ACOX3: variants seen among roughly 807,000 people sequenced by gnomAD.
ACOX3 encodes the protein peroxisomal acyl-coenzyme A oxidase 3.
ACOX3 carries 73 observed loss-of-function variants against 81.5 expected under a neutral mutation model. The ratio of observed to expected loss-of-function variants is 0.90; its 90% CI spans 0.74 to 1.09. The LOEUF is 1.09. Among genes scored for constraint, ACOX3 ranks in the 50% least tolerant of loss-of-function variants. The pLI is 0.00. For synonymous variants in ACOX3, 387 were observed against 375.1 expected, an observed-to-expected ratio of 1.03 and a Z score of -0.37; for missense variants, 947 against 928.0, an observed-to-expected ratio of 1.02 and a Z score of -0.27.
chr4:8,364,319 T>C (rs770744802), downstream of ACOX3, among the ~76,000 whole-genome samples: 1 of 152,250 alleles, frequency 6.6e-6, no homozygotes, highest in Non-Finnish European at 1.5e-5. This position sits in a 1 kb window ranked among gnomAD's most constrained non-coding sequence, Gnocchi z 5.0. Context: ...CACATTTGGC[T>C]CAGAATAAAC....
At chr4:8,356,435 C>G in the ACOX3 span, 1 of 415,512 alleles carries the variant, frequency 2.4e-6, no homozygotes, top group Non-Finnish European at 4.9e-6. Context: ...AAGCCTTGAT[C>G]TCTCCATCTC....
At chr4:8,362,687 G>C (rs115119005), downstream of ACOX3, among the ~76,000 whole-genome samples, 4,443 of 152,274 alleles carry the variant, frequency 0.029, 81 homozygotes, top group South Asian at 0.072. Flanking sequence ...CCTGACCTGT[G>C]GTAAATGAAG....
Position 8,407,326 on chromosome 4 carries a change from T to C in ACOX3, c.688-1283A>G, listed in dbSNP as rs1448720120. 1.3e-5 allele frequency among the ~76,000 whole-genome samples: 2 copies of C among 152,228 alleles called. No homozygotes were observed. The highest frequency in any genetic ancestry group is 3.9e-4 in the East Asian group (2 of 5,192). Reference sequence around the variant, plus strand: ...TAAGATCTATATCTGGTATTCTTATTTTATATTTTATTACACTGGAACAGC... The same window carrying C: ...TAAGATCTATATCTGGTATTCTTATCTTATATTTTATTACACTGGAACAGC... On this transcript the variant is annotated intron_variant, in intron 6 of 17. Transcript: ENST00000356406. This position sits in a 1 kb window ranked among gnomAD's most constrained non-coding sequence, Gnocchi z 4.6.
At chr4:8,376,314 A>G (rs1351598254) in intron 14 of ACOX3, among the ~76,000 whole-genome samples, 1 of 151,326 alleles carries the variant, frequency 6.6e-6, no homozygotes, top group Non-Finnish European at 1.5e-5. Context: ...GCATTGCTTG[A>G]CTTGTTAGGA....
chr4:8,393,076 G>C (rs894685167), intron 10 of ACOX3: 1 of 151,620 alleles, frequency 6.6e-6, no homozygotes, highest in Non-Finnish European at 1.5e-5. Context: ...GTCGGGCGTG[G>C]TTAGTATTTG....
At chr4:8,390,263 G>T (rs969623359) in intron 11 of ACOX3, among the ~76,000 whole-genome samples, 1 of 151,912 alleles carries the variant, frequency 6.6e-6, no homozygotes, top group African/African-American at 2.4e-5. Context: ...GATTGCTTAA[G>T]AGCCCAGGCA....
At position 8,405,459 on chromosome 4, in the gene ACOX3, G is replaced by A. The variant is rs534894916; in HGVS notation, c.776+496C>T. Among the ~76,000 whole-genome samples, 11 of 152,360 alleles carry A rather than the reference G, an allele frequency of 7.2e-5. No individual in the cohort carries two copies. Among genetic ancestry groups the A allele is most frequent in the African/African-American group, 2.6e-4 (11 of 41,588 alleles). On this transcript the variant is annotated intron_variant, in intron 7 of 17. Transcript: ENST00000356406. The surrounding 1 kb of genome is among the most constrained non-coding windows in gnomAD (Gnocchi z 7.1). ...CATGTGTGCTGCTAAATAGATATAT[G>A]TGGGCTGATTAAACAAATAAGCCAG... is the stretch of plus-strand genomic sequence containing the variant.
rs1466423101 is a variant in ACOX3, at chr4:8,400,669, G to A, written c.777-1017C>T. ...CTAGGTTAAGAATATTACATAAACT[G>A]TGCAAAAACCCCCCAAAACAAACTT... On this transcript the variant is annotated intron_variant, in intron 7 of 17. Transcript: ENST00000356406. The surrounding 1 kb of genome is among the most constrained non-coding windows in gnomAD (Gnocchi z 4.4). Among the ~76,000 whole-genome samples, 3 of 152,104 alleles carry A rather than the reference G, an allele frequency of 2.0e-5. No homozygotes were observed. The highest frequency in any genetic ancestry group is 7.2e-5 in the African/African-American group (3 of 41,404).
At chr4:8,435,504 GAAA>G (rs1029567165) in intron 1 of ACOX3, among the ~76,000 whole-genome samples, 2 of 137,390 alleles carry the variant, frequency 1.5e-5, no homozygotes, top group African/African-American at 5.3e-5. Flanking sequence ...TCAAAAAAAA[GAAA>G]AAAAAAAAAG....
chr4:8,410,177 C>A, intron 6 of ACOX3, 35 bp downstream of exon 6: 1 of 1,601,194 alleles, frequency 6.2e-7, no homozygotes, highest in African/African-American at 1.3e-5. Context: ...TGGGGGTAAA[C>A]ACTGCCCCCA....
intron 6 of ACOX3, 76 bp downstream of exon 6, chr4:8,410,136 A>T: frequency 6.5e-7 from 1 of 1,527,298 alleles, no homozygotes; most frequent in Non-Finnish European, 8.8e-7. Flanking sequence ...TTGTTATGAC[A>T]AAAATGACTC....
At chr4:8,426,333 T>A (rs1480182878) in intron 1 of ACOX3, among the ~76,000 whole-genome samples, 1 of 151,964 alleles carries the variant, frequency 6.6e-6, no homozygotes, top group African/African-American at 2.4e-5. Flanking sequence ...CTGAGTGCAG[T>A]TAAAGTGTCT....
Position 8,396,919 on chromosome 4 carries a change from T to C in ACOX3, c.1056+18A>G, listed in dbSNP as rs1388753969. On this transcript the variant is annotated intron_variant, in intron 9 of 17. Transcript: ENST00000356406. ...ATAAAATAGAGAGACAGTGAAAGGA[T>C]GCTTGAAAACCTCATACCTGCATTG... 2 of 1,604,752 alleles carry C rather than the reference T, an allele frequency of 1.2e-6. No individual in the cohort carries two copies. The highest frequency in any genetic ancestry group is 1.7e-6 in the Non-Finnish European group (2 of 1,175,946).
At position 8,440,497 on chromosome 4, in the gene ACOX3, G is replaced by A. The variant is rs578254373; in HGVS notation, c.-15+151C>T. Among the ~76,000 whole-genome samples, 10 of 152,282 alleles carry A rather than the reference G, an allele frequency of 6.6e-5. No homozygotes were observed. In the South Asian group the frequency reaches 1.9e-3, roughly 28 times the overall value. ...TTTCATAAGAGGACTCATCTTTTAC[G>A]TTCACAAACTTAGGCTCCCTGACTT... On this transcript the variant is annotated intron_variant, in intron 1 of 17. Coordinates refer to ENST00000356406, the MANE Select transcript of ACOX3 (RefSeq NM_003501.3).
rs1269550843 is a variant in ACOX3, at chr4:8,368,174, C to T, written c.1984-1094G>A. 2.0e-5 allele frequency among the ~76,000 whole-genome samples: 3 copies of T among 152,216 alleles called. No individual in the cohort carries two copies. The highest frequency in any genetic ancestry group is 6.5e-5 in the Admixed American group (1 of 15,282). On this transcript the variant is annotated intron_variant, in intron 17 of 17. Transcript: ENST00000356406. This position sits in a 1 kb window ranked among gnomAD's most constrained non-coding sequence, Gnocchi z 5.9. The stretch of plus-strand genomic sequence containing the variant: ...GCAGCAGGATGCCCTCGCCGAGTGG[C>T]CCTTACTGGCTGATTTCTGGACCTG...
In ACOX3 at chr4:8,394,604, G is replaced by A. The variant is rs769300654; in HGVS notation, c.1179+16C>T. The A allele has an allele frequency of 6.2e-7, 1 of 1,611,508 alleles. No homozygotes were observed. Among genetic ancestry groups the A allele is most frequent in the Admixed American group, 1.7e-5 (1 of 59,970 alleles). Reference sequence around the variant, plus strand: ...AGATTTAAACGATGCTGCTGAGGAAGCAGACACCACCTCACCTGTCTGGCG... The same window carrying A: ...AGATTTAAACGATGCTGCTGAGGAAACAGACACCACCTCACCTGTCTGGCG... On this transcript the variant is annotated intron_variant, in intron 10 of 17. Transcript: ENST00000356406. This position sits in a 1 kb window ranked among gnomAD's most constrained non-coding sequence, Gnocchi z 5.9.
intron 3 of ACOX3, 108 bp downstream of exon 3, chr4:8,415,658 T>C: frequency 7.6e-6 from 7 of 921,246 alleles, no homozygotes; most frequent in Non-Finnish European, 1.2e-5. Context: ...CAAATATAGC[T>C]GGACAAACTG....
intron 13 of ACOX3, among the ~76,000 whole-genome samples, chr4:8,388,126 G>C (rs1332139493): frequency 1.3e-5 from 2 of 152,200 alleles, no homozygotes; most frequent in African/African-American, 4.8e-5. Flanking sequence ...TCCGCCTCCT[G>C]ACACACCCGT....
chr4:8,388,658 A>C (rs1207751004), intron 13 of ACOX3, among the ~76,000 whole-genome samples: 1 of 152,116 alleles, frequency 6.6e-6, no homozygotes, highest in Non-Finnish European at 1.5e-5. Context: ...AGGACGCCCC[A>C]CCCCGACCAC....
Sources: gnomAD v4.1 joint callset for allele counts (sites outside exome capture counted in the v4.1 genomes callset) on GRCh38, gnomAD v4.1.1 for gene constraint, Gnocchi (gnomAD v3.1) non-coding constraint, MANE v1.5 for transcripts, NCBI Gene and HGNC (gene_info 2026-07-23, HGNC 2026-07-21) for gene names.